PRKG1: variants seen among roughly 807,000 people sequenced by gnomAD.
PRKG1 encodes the protein cGMP-dependent protein kinase 1.
Under a neutral mutation model 88.1 loss-of-function variants are expected in PRKG1, and 35 were observed. The observed-to-expected ratio is 0.40, with a 90% CI of 0.30 to 0.53. The LOEUF (loss-of-function observed/expected upper bound fraction) is 0.53, where lower values mean the gene tolerates loss of function less well. PRKG1 is among the 20% of genes least tolerant of loss of function. The pLI is 0.59. For synonymous variants in PRKG1, 303 were observed against 292.5 expected (o/e 1.04, Z -0.37); for missense variants, 540 against 839.8 (o/e 0.64, Z 4.41).
intron 5 of PRKG1, among the ~76,000 whole-genome samples, chr10:52,013,304 A>G (rs568968703): frequency 6.6e-6 from 1 of 152,256 alleles, no homozygotes; most frequent in South Asian, 2.1e-4. Context: ...CTGTAGTACC[A>G]GCTACTCGGG....
At chr10:51,473,847 T>G (rs1840119932) in intron 3 of PRKG1, among the ~76,000 whole-genome samples, 1 of 151,902 alleles carries the variant, frequency 6.6e-6, no homozygotes, top group East Asian at 1.9e-4. Context: ...CCCACACATG[T>G]AAAGCTTGAG....
intron 3 of PRKG1, among the ~76,000 whole-genome samples, chr10:51,556,809 C>T (rs1837324027): frequency 6.6e-6 from 1 of 151,914 alleles, no homozygotes; most frequent in African/African-American, 2.4e-5. Flanking sequence ...CATTTGTAAG[C>T]CAAACCTCAG....
At chr10:51,786,629 T>A (rs1396395602) in intron 3 of PRKG1, among the ~76,000 whole-genome samples, 2 of 152,158 alleles carry the variant, frequency 1.3e-5, no homozygotes, top group East Asian at 3.9e-4. Flanking sequence ...ATTGCTTTCT[T>A]TATTGATCTC....
In PRKG1 at chr10:52,293,852, C is replaced by T. The variant is rs373962932; in HGVS notation, c.2013C>T (p.Asn671=). ...ATTTTGACAGTTTCCCTGAGGACAA[C>T]GATGAACCACCACCTGATGACAACT... is the stretch of plus-strand genomic sequence containing the variant. ...TSNFDSFPED[N]DEPPPDDNSG... The change falls in exon 18 of 18, where the codon AAC becomes AAT. Residue 671 remains asparagine, a synonymous_variant. Coordinates refer to ENST00000373980, the MANE Select transcript of PRKG1 (RefSeq NM_006258.4). 29 of 1,613,050 alleles carry T rather than the reference C, an allele frequency of 1.8e-5. No homozygotes were observed. Among genetic ancestry groups the T allele is most frequent in the South Asian group, 7.7e-5 (7 of 91,018 alleles).
intron 5 of PRKG1, among the ~76,000 whole-genome samples, chr10:51,914,302 T>C (rs540432158): frequency 1.3e-5 from 2 of 149,604 alleles, no homozygotes; most frequent in East Asian, 3.9e-4. Context: ...CTTTTTTTCA[T>C]AGAGAAAAGT....
At chr10:51,981,986 T>A (rs1844022430) in intron 5 of PRKG1, among the ~76,000 whole-genome samples, 1 of 152,218 alleles carries the variant, frequency 6.6e-6, no homozygotes, top group African/African-American at 2.4e-5. Flanking sequence ...CATGATCTCA[T>A]ATATCTTAGA....
intron 3 of PRKG1, among the ~76,000 whole-genome samples, chr10:51,742,551 C>T (rs1476848512): frequency 6.6e-6 from 1 of 152,100 alleles, no homozygotes; most frequent in East Asian, 1.9e-4. Flanking sequence ...AGACCCTCAG[C>T]CATGCTCAAG....
At chr10:51,049,026 A>T (rs1030447835) in intron 1 of PRKG1, among the ~76,000 whole-genome samples, 1 of 152,102 alleles carries the variant, frequency 6.6e-6, no homozygotes, top group South Asian at 2.1e-4. Flanking sequence ...GGCGTTGCTC[A>T]TGAACCAAGC....
At chr10:51,298,569 G>A (rs1244723662) in intron 2 of PRKG1, among the ~76,000 whole-genome samples, 2 of 152,142 alleles carry the variant, frequency 1.3e-5, no homozygotes, top group Non-Finnish European at 2.9e-5. Context: ...TCCTTTTCTG[G>A]AGGAAGGGAG....
chr10:51,521,289 C>CA (rs1341069479), intron 3 of PRKG1, among the ~76,000 whole-genome samples: 2 of 151,166 alleles, frequency 1.3e-5, no homozygotes, highest in African/African-American at 2.4e-5. Flanking sequence ...GACTCTGTCT[C>CA]AAAAAAACAA....
At chr10:51,459,813 C>A (rs979852590) in intron 2 of PRKG1, among the ~76,000 whole-genome samples, 5 of 152,106 alleles carry the variant, frequency 3.3e-5, no homozygotes, top group African/African-American at 1.2e-4. Context: ...CAGGTGACAT[C>A]TGCTGTGGAA....
intron 3 of PRKG1, among the ~76,000 whole-genome samples, chr10:51,601,642 G>A (rs1206625174): frequency 6.9e-6 from 1 of 144,984 alleles, no homozygotes; most frequent in Non-Finnish European, 1.5e-5. Flanking sequence ...AGCCTGCTCA[G>A]TAAAGGAGGT....
chr10:51,922,020 C>G (rs574298050), intron 5 of PRKG1, among the ~76,000 whole-genome samples: 1 of 151,762 alleles, frequency 6.6e-6, no homozygotes, highest in South Asian at 2.1e-4. Context: ...TAGAATTTAC[C>G]TGTGAATCTA....
At chr10:51,422,554 C>G (rs1838447459) in intron 2 of PRKG1, among the ~76,000 whole-genome samples, 1 of 152,168 alleles carries the variant, frequency 6.6e-6, no homozygotes. Flanking sequence ...GGGGACTCTT[C>G]ACATACTTTG....
intron 10 of PRKG1, among the ~76,000 whole-genome samples, chr10:52,268,869 C>T (rs1157492007): frequency 2.0e-5 from 3 of 151,848 alleles, no homozygotes; most frequent in African/African-American, 7.3e-5. Context: ...TTTGGTGGTG[C>T]GTTTTCATTT....
intron 4 of PRKG1, among the ~76,000 whole-genome samples, chr10:51,898,680 G>A (rs1478579825): frequency 6.6e-6 from 1 of 152,090 alleles, no homozygotes; most frequent in Non-Finnish European, 1.5e-5. Context: ...TCAAAAAACT[G>A]GTGGCACACA....
intron 5 of PRKG1, among the ~76,000 whole-genome samples, chr10:51,957,242 CTCTTTTCTTTCATACATAGCTTTTCCTT>C (rs1321427425): frequency 4.6e-5 from 6 of 129,494 alleles, no homozygotes; most frequent in African/African-American, 1.7e-4. Flanking sequence ...CTCTACTTCT[CTCTTTTCTTTCATACATAGCTTTTCCTT>C]TCTTTCCTTT....
Position 51,624,836 on chromosome 10 carries a change from A to C in PRKG1, c.592+157000A>C, listed in dbSNP as rs572923357. Among the ~76,000 whole-genome samples the C allele has an allele frequency of 2.6e-5, 4 of 152,318 alleles. No homozygotes were observed. In the South Asian group the frequency reaches 8.3e-4, roughly 32 times the overall value. On this transcript the variant is annotated intron_variant, in intron 3 of 17. Transcript: ENST00000373980. The stretch of plus-strand genomic sequence containing the variant: ...TTAGAGACAAACACCACACAATCTC[A>C]CTCATATGTTGAATCTTTAAAAAGC...
At chr10:51,612,440 T>C (rs910292110) in intron 3 of PRKG1, among the ~76,000 whole-genome samples, 1 of 152,098 alleles carries the variant, frequency 6.6e-6, no homozygotes, top group Admixed American at 6.6e-5. Flanking sequence ...ATTTCATTAT[T>C]GTTGTATAGA....
Sources: allele counts gnomAD v4.1 joint callset (sites outside exome capture counted in the v4.1 genomes callset), GRCh38; gene constraint gnomAD v4.1.1; transcripts MANE v1.5; gene names NCBI Gene and HGNC (gene_info 2026-07-23, HGNC 2026-07-21).